CEP89: variants seen among roughly 807,000 people sequenced by gnomAD.
CEP89 encodes the protein centrosomal protein of 89 kDa.
Under a neutral mutation model 97.6 loss-of-function variants are expected in CEP89, and 95 were observed. That is an observed-to-expected ratio of 0.97 (90% CI 0.82 to 1.15). The LOEUF is 1.15. Among genes scored for constraint, CEP89 ranks in the 50% most tolerant of loss-of-function variants. The pLI is 0.00. For missense variants in CEP89, 869 were observed against 947.7 expected, an observed-to-expected ratio of 0.92 and a Z score of 1.09; for synonymous variants, 354 against 349.1, an observed-to-expected ratio of 1.01 and a Z score of -0.16.
intron 13 of CEP89, among the ~76,000 whole-genome samples, chr19:32,916,737 A>G (rs901247742): frequency 1.3e-5 from 2 of 152,182 alleles, no homozygotes; most frequent in Admixed American, 6.5e-5. Context: ...GTGGCTGGGC[A>G]CAGTGGCTCA....
intron 1 of CEP89, among the ~76,000 whole-genome samples, chr19:32,968,386 C>T (rs539656972): frequency 6.6e-6 from 1 of 152,248 alleles, no homozygotes; most frequent in East Asian, 1.9e-4. Flanking sequence ...GTAGCTAGGA[C>T]CACAGTCATG....
intron 17 of CEP89, among the ~76,000 whole-genome samples, chr19:32,885,265 A>G (rs554454300): frequency 6.6e-6 from 1 of 152,352 alleles, no homozygotes; most frequent in African/African-American, 2.4e-5. Flanking sequence ...ACAGTTAAAT[A>G]TATTCTTCGC....
At chr19:32,932,229 T>C (rs1002728999) in intron 8 of CEP89, among the ~76,000 whole-genome samples, 4 of 147,760 alleles carry the variant, frequency 2.7e-5, no homozygotes, top group Admixed American at 6.7e-5. Flanking sequence ...ACATGGAAAA[T>C]GTATTAGAGC....
At chr19:32,954,179 A>G (rs766680870) in intron 3 of CEP89, among the ~76,000 whole-genome samples, 1 of 151,058 alleles carries the variant, frequency 6.6e-6, no homozygotes, top group African/African-American at 2.4e-5. Flanking sequence ...GGCCAGTATC[A>G]TGTATTAAAT....
At chr19:32,896,836 A>G (rs1203721479) in intron 16 of CEP89, among the ~76,000 whole-genome samples, 1 of 152,002 alleles carries the variant, frequency 6.6e-6, no homozygotes, top group Non-Finnish European at 1.5e-5. Context: ...AACAAAACCA[A>G]TCCCATTAAA....
intron 14 of CEP89, among the ~76,000 whole-genome samples, chr19:32,905,098 A>G (rs1010894151): frequency 6.6e-5 from 10 of 152,198 alleles, no homozygotes; most frequent in Admixed American, 5.2e-4. Context: ...CACGTGTGTC[A>G]GTTACCACTT....
chr19:32,934,595 T>C (rs558220483), intron 7 of CEP89, among the ~76,000 whole-genome samples: 21 of 151,944 alleles, frequency 1.4e-4, no homozygotes, highest in Admixed American at 2.6e-4. Context: ...CACACACATA[T>C]CCAATCCCTA....
chr19:32,886,326 G>A (rs1395474380), intron 17 of CEP89, among the ~76,000 whole-genome samples: 3 of 152,150 alleles, frequency 2.0e-5, no homozygotes, highest in Non-Finnish European at 4.4e-5. Context: ...GAGGGTGGGA[G>A]CGACAGTTGG....
At position 32,926,281 on chromosome 19, in the gene CEP89, T is replaced by TA. The variant is rs769445339; in HGVS notation, c.1081-9dup. The TA allele has an allele frequency of 6.3e-7, 1 of 1,593,516 alleles. No homozygotes were observed. Among genetic ancestry groups the TA allele is most frequent in the South Asian group, 1.1e-5 (1 of 90,262 alleles). On this transcript the variant is annotated splice_polypyrimidine_tract_variant and intron_variant, in intron 10 of 18. Coordinates refer to ENST00000305768, the MANE Select transcript of CEP89 (RefSeq NM_032816.5). ...CAGGTACTTTATATCCAACTGAAGATAGAGAGTAAAGGAAGGTTAATATAT... is the reference window on the plus strand; with the variant it reads ...CAGGTACTTTATATCCAACTGAAGATAAGAGAGTAAAGGAAGGTTAATATAT...
chr19:32,944,723 G>A lies in CEP89; in HGVS notation c.595+3543C>T, dbSNP rs1374881216. On this transcript the variant is annotated intron_variant, in intron 5 of 18. Coordinates refer to ENST00000305768, the MANE Select transcript of CEP89 (RefSeq NM_032816.5). ...GCAGAGAATCTAGGAAAGGGGAACA[G>A]CGTCCACGAGCATGAATTTGGCAGC... Among the ~76,000 whole-genome samples the A allele has an allele frequency of 3.9e-5, 6 of 152,338 alleles. No homozygotes were observed. The East Asian group carries it at 7.7e-4, about 20-fold the overall frequency.
At chr19:32,958,336 G>C (rs1003593705) in intron 3 of CEP89, among the ~76,000 whole-genome samples, 1 of 151,984 alleles carries the variant, frequency 6.6e-6, no homozygotes, top group Admixed American at 6.6e-5. Flanking sequence ...AAAATGTAAA[G>C]AAAAAATGGA....
chr19:32,952,926 AAAAG>A (rs774186731), intron 4 of CEP89, among the ~76,000 whole-genome samples: 16 of 147,678 alleles, frequency 1.1e-4, no homozygotes, highest in African/African-American at 2.2e-4. Context: ...AAAAAAAAAG[AAAAG>A]AAAAAGAAAA....
At chr19:32,926,159 C>A in intron 11 of CEP89, 31 bp downstream of exon 11, 1 of 1,497,802 alleles carries the variant, frequency 6.7e-7, no homozygotes, top group South Asian at 1.1e-5. Flanking sequence ...TTTTATAAAT[C>A]TTGTGTCTTC....
At chr19:32,929,581 C>T (rs1017068781) in intron 9 of CEP89, among the ~76,000 whole-genome samples, 8 of 148,770 alleles carry the variant, frequency 5.4e-5, no homozygotes, top group Admixed American at 1.3e-4. Flanking sequence ...CCAGCCTGGG[C>T]GACATAGAGA....
intron 8 of CEP89, 78 bp downstream of exon 8, chr19:32,933,373 A>G (rs1160719102): frequency 9.4e-7 from 1 of 1,059,126 alleles, no homozygotes; most frequent in Non-Finnish European, 1.4e-6. Context: ...AAATATCACA[A>G]CATAAAATAT....
Position 32,941,843 on chromosome 19 carries a change from G to A in CEP89, c.596-1958C>T, listed in dbSNP as rs556617171. Among the ~76,000 whole-genome samples, 4 of 152,254 alleles carry A rather than the reference G, an allele frequency of 2.6e-5. No individual in the cohort carries two copies. In the East Asian group the frequency reaches 7.7e-4, roughly 29 times the overall value. On this transcript the variant is annotated intron_variant, in intron 5 of 18. Transcript: ENST00000305768. ...CTGGGATGCGAGGGGAAAGGCCTGT[G>A]GCTCTATCATCTCTGACACACGGCT...
intron 9 of CEP89, among the ~76,000 whole-genome samples, chr19:32,930,805 G>A (rs1970456965): frequency 6.6e-6 from 1 of 152,300 alleles, no homozygotes; most frequent in South Asian, 2.1e-4. Flanking sequence ...CGAAGTTAAT[G>A]CACTGACAAC....
chr19:32,882,290 C>G (rs1969300364), intron 17 of CEP89, among the ~76,000 whole-genome samples: 1 of 152,132 alleles, frequency 6.6e-6, no homozygotes. Context: ...CCATTGGAAA[C>G]AGCAGTTCAT....
chr19:32,939,759 G>C (rs1291434728), intron 6 of CEP89, 98 bp downstream of exon 6: 1 of 579,578 alleles, frequency 1.7e-6, no homozygotes, highest in African/African-American at 2.0e-5. Context: ...CAAAATCACC[G>C]CCAAAGTTTC....
Sources: gnomAD v4.1 joint callset for allele counts (sites outside exome capture counted in the v4.1 genomes callset) on GRCh38, gnomAD v4.1.1 for gene constraint, MANE v1.5 for transcripts, NCBI Gene and HGNC (gene_info 2026-07-23, HGNC 2026-07-21) for gene names.